Variants in RNLS observed in about 807,000 individuals in gnomAD.
RNLS encodes the protein renalase, FAD dependent amine oxidase.
Under a neutral mutation model 39.8 loss-of-function variants are expected in RNLS, and 39 were observed. The ratio of observed to expected loss-of-function variants is 0.98; its 90% CI spans 0.76 to 1.28. RNLS has a LOEUF of 1.28. Ranked by LOEUF, RNLS falls within the 50% of genes most tolerant of loss-of-function variation. The pLI is 0.00. For synonymous variants in RNLS, 147 were observed against 150.7 expected, an observed-to-expected ratio of 0.98 and a Z score of 0.18; for missense variants, 410 against 413.3, an observed-to-expected ratio of 0.99 and a Z score of 0.07.
At chr10:88,391,436 T>C (rs952120911) in intron 4 of RNLS, among the ~76,000 whole-genome samples, 1 of 152,254 alleles carries the variant, frequency 6.6e-6, no homozygotes, top group African/African-American at 2.4e-5. Flanking sequence ...TAGGCACCTG[T>C]AGTCCCAGCT....
At chr10:88,421,523 C>T (rs1461664279) in intron 4 of RNLS, among the ~76,000 whole-genome samples, 1 of 152,098 alleles carries the variant, frequency 6.6e-6, no homozygotes, top group Non-Finnish European at 1.5e-5. Flanking sequence ...CTGCCATCTC[C>T]CTGGTGTGTG....
At chr10:88,554,164 T>C (rs1399341236) in intron 4 of RNLS, among the ~76,000 whole-genome samples, 2 of 151,682 alleles carry the variant, frequency 1.3e-5, no homozygotes, top group East Asian at 3.9e-4. Context: ...TGATTTTAAT[T>C]AGTTTGATCC....
exon 7 of RNLS, chr10:88,274,994 G>A: frequency 6.2e-7 from 1 of 1,613,358 alleles, no homozygotes; most frequent in Non-Finnish European, 8.5e-7. Flanking sequence ...TCATCCAGGG[G>A]CTCTTCGCAC....
At chr10:88,356,373 A>G (rs1319659280) in intron 5 of RNLS, among the ~76,000 whole-genome samples, 1 of 152,086 alleles carries the variant, frequency 6.6e-6, no homozygotes, top group Non-Finnish European at 1.5e-5. Context: ...CCCCGATTCA[A>G]TTCTTAAGTG....
intron 4 of RNLS, among the ~76,000 whole-genome samples, chr10:88,454,416 A>T (rs1400763021): frequency 6.6e-6 from 1 of 152,206 alleles, no homozygotes; most frequent in Non-Finnish European, 1.5e-5. Context: ...CAGAGGAAGC[A>T]TGGACTTCAG....
chr10:88,545,427 A>G (rs1848250582), intron 4 of RNLS: 1 of 456,066 alleles, frequency 2.2e-6, no homozygotes. Flanking sequence ...TCACGGTGGA[A>G]GACAAAGAAA....
downstream of RNLS, chr10:88,283,990 A>T: frequency 3.4e-6 from 1 of 290,872 alleles, no homozygotes; most frequent in Non-Finnish European, 5.1e-6. Context: ...GACAAATGTT[A>T]GTCAAATATG....
rs201858540 is a variant in RNLS, at chr10:88,368,102, G to GT, written c.527-5378dup. ...AAGATCATAAAGATATTTTCTTATGGTTTTTTTTTTCCTGAAAACTTTATT... is the reference window on the plus strand; with the variant it reads ...AAGATCATAAAGATATTTTCTTATGGTTTTTTTTTTTCCTGAAAACTTTATT... On this transcript the variant is annotated intron_variant, in intron 4 of 6. Coordinates refer to ENST00000331772, the MANE Select transcript of RNLS (RefSeq NM_001031709.3). 5.4e-3 allele frequency among the ~76,000 whole-genome samples: 791 copies of GT among 147,276 alleles called. 6 individuals carry two copies. Among genetic ancestry groups the GT allele is most frequent in the African/African-American group, 0.017 (690 of 40,392 alleles).
At chr10:88,238,987 G>A in the RNLS span, among the ~76,000 whole-genome samples, 2 of 152,136 alleles carry the variant, frequency 1.3e-5, no homozygotes, top group South Asian at 4.2e-4. Context: ...AACATGTAAG[G>A]AAATCCTTCT....
At chr10:88,442,463 G>A (rs1454988466) in intron 4 of RNLS, among the ~76,000 whole-genome samples, 4 of 152,076 alleles carry the variant, frequency 2.6e-5, no homozygotes, top group Non-Finnish European at 5.9e-5. Flanking sequence ...CTCCACTTTT[G>A]TTTCTTGTTA....
intron 4 of RNLS, among the ~76,000 whole-genome samples, chr10:88,380,597 G>C (rs1851392553): frequency 6.6e-6 from 1 of 151,550 alleles, no homozygotes; most frequent in Non-Finnish European, 1.5e-5. Context: ...TGTTAGCCAG[G>C]ATGGTCTCGA....
intron 4 of RNLS, among the ~76,000 whole-genome samples, chr10:88,476,015 G>A (rs1478242135): frequency 1.3e-5 from 2 of 152,094 alleles, no homozygotes; most frequent in Admixed American, 6.6e-5. Flanking sequence ...AAATCCAGGG[G>A]TTTATGATTC....
At chr10:88,550,592 GCCT>G (rs1440190289) in intron 4 of RNLS, among the ~76,000 whole-genome samples, 10 of 152,230 alleles carry the variant, frequency 6.6e-5, no homozygotes, top group South Asian at 2.1e-4. Context: ...TTGAATATAA[GCCT>G]TTTTGTTTCC....
intron 5 of RNLS, among the ~76,000 whole-genome samples, chr10:88,346,689 A>G (rs1475148274): frequency 1.3e-5 from 2 of 152,172 alleles, no homozygotes; most frequent in African/African-American, 2.4e-5. Flanking sequence ...CAGAGTTGCA[A>G]AAAGGACTAC....
chr10:88,494,445 T>A (rs747060908), intron 4 of RNLS, among the ~76,000 whole-genome samples: 23 of 152,140 alleles, frequency 1.5e-4, no homozygotes, highest in Non-Finnish European at 3.2e-4. Flanking sequence ...AATAAAAGAT[T>A]CTGTAATGTA....
At chr10:88,246,795 C>G in the RNLS span, among the ~76,000 whole-genome samples, 3 of 152,040 alleles carry the variant, frequency 2.0e-5, no homozygotes, top group East Asian at 5.8e-4. Flanking sequence ...CTCTTAACAC[C>G]CAGCGTTCCC....
At chr10:88,462,234 A>T (rs1464440278) in intron 4 of RNLS, among the ~76,000 whole-genome samples, 5 of 152,028 alleles carry the variant, frequency 3.3e-5, no homozygotes, top group African/African-American at 1.2e-4. Flanking sequence ...TTATGGGTAC[A>T]TAGTAGGTGT....
intron 4 of RNLS, among the ~76,000 whole-genome samples, chr10:88,431,251 T>C (rs1446400756): frequency 6.6e-6 from 1 of 151,722 alleles, no homozygotes; most frequent in Non-Finnish European, 1.5e-5. Context: ...GTCACATTTA[T>C]AGGCATAAGC....
intron 5 of RNLS, among the ~76,000 whole-genome samples, chr10:88,348,488 G>A (rs1473499472): frequency 6.6e-6 from 1 of 152,148 alleles, no homozygotes; most frequent in South Asian, 2.1e-4. Context: ...AGAACATGAG[G>A]TGTAATGTTG....
Sources: allele counts gnomAD v4.1 joint callset (sites outside exome capture counted in the v4.1 genomes callset), GRCh38; gene constraint gnomAD v4.1.1; transcripts MANE v1.5; gene names NCBI Gene and HGNC (gene_info 2026-07-23, HGNC 2026-07-21).